The following APBA2 variants were observed in gnomAD, a reference collection of about 807,000 sequenced individuals.
APBA2 encodes amyloid-beta A4 precursor protein-binding family A member 2.
In APBA2, 30 loss-of-function variants were observed where a neutral mutation model predicts 75.0. The observed-to-expected ratio is 0.40, with a 90% confidence interval of 0.30 to 0.54. The LOEUF (loss-of-function observed/expected upper bound fraction) is 0.54, where lower values mean the gene tolerates loss of function less well. Ranked by LOEUF, APBA2 falls within the 20% of genes least tolerant of loss-of-function variation. The pLI is 0.49. For synonymous variants in APBA2, 444 were observed against 409.6 expected (o/e 1.08, Z -1.01); for missense variants, 801 against 1,016.1 (o/e 0.79, Z 2.88).
chr15:28,999,072 T>C (rs2038701435), intron 3 of APBA2, among the ~76,000 whole-genome samples: 2 of 150,258 alleles, frequency 1.3e-5, no homozygotes, highest in Admixed American at 6.7e-5. Context: ...TGCTTGAACC[T>C]GGGGGGCGGA....
rs562014055 is a variant in APBA2, at chr15:28,944,579, A to G, written c.-95+22830A>G. Among the ~76,000 whole-genome samples, 5 of 152,314 alleles carry G rather than the reference A, an allele frequency of 3.3e-5. No individual in the cohort carries two copies. In the South Asian group the frequency reaches 6.2e-4, roughly 19 times the overall value. On this transcript the variant is annotated intron_variant, in intron 2 of 14. Transcript: ENST00000683413. ...CTGTTTCTTAGAGTCGATGTCCCCT[A>G]AGGTGTGAGTTCCTGGTGAGCAGGA... is the stretch of plus-strand genomic sequence containing the variant.
intron 3 of APBA2, among the ~76,000 whole-genome samples, chr15:29,005,139 A>T (rs2039046708): frequency 6.6e-6 from 1 of 152,188 alleles, no homozygotes; most frequent in Non-Finnish European, 1.5e-5. Context: ...AGCACTTAAG[A>T]ATTACCCAGA....
chr15:29,001,422 A>T (rs2038837648), intron 3 of APBA2, among the ~76,000 whole-genome samples: 1 of 151,996 alleles, frequency 6.6e-6, no homozygotes, highest in African/African-American at 2.4e-5. Context: ...TATTGTTCAG[A>T]CTGGTCTCGA....
chr15:28,969,158 T>TGCTTTCTTTCTTTCTTTCTA, intron 2 of APBA2, among the ~76,000 whole-genome samples: 1 of 101,376 alleles, frequency 9.9e-6, no homozygotes, highest in African/African-American at 1.7e-4. Context: ...CTTTCTTTCT[T>TGCTTTCTTTCTTTCTTTCTA]TCTTTCTTTC....
In APBA2 at chr15:28,922,507, C is replaced by T. The variant is rs12915865; in HGVS notation, c.-95+758C>T. On this transcript the variant is annotated intron_variant, in intron 2 of 14. Transcript: ENST00000683413. ...CATCTTCTACAGCCAGCCATTGTCC[C>T]GCAGGAGCTCTGTGCCCAGTGGAAT... Among the ~76,000 whole-genome samples the T allele has an allele frequency of 3.6e-3, 554 of 152,282 alleles. 3 individuals carry two copies. Among genetic ancestry groups the T allele is most frequent in the Non-Finnish European group, 6.2e-3 (421 of 68,016 alleles).
At chr15:28,900,889 A>G (rs926742155) in intron 1 of APBA2, among the ~76,000 whole-genome samples, 1 of 152,172 alleles carries the variant, frequency 6.6e-6, no homozygotes, top group East Asian at 1.9e-4. Flanking sequence ...GTATATTTAC[A>G]ACTTACCCTT....
chr15:28,895,078 G>A (rs2032387806), intron 1 of APBA2, among the ~76,000 whole-genome samples: 1 of 152,186 alleles, frequency 6.6e-6, no homozygotes, highest in South Asian at 2.1e-4. Context: ...AGATTAACTT[G>A]CCCCTGTTTT....
chr15:28,910,923 G>A (rs1249759005), intron 1 of APBA2, among the ~76,000 whole-genome samples: 4 of 152,010 alleles, frequency 2.6e-5, no homozygotes, highest in African/African-American at 7.3e-5. Context: ...TTGATTTTTG[G>A]GGCAGTACCT....
chr15:29,051,672 T>C (rs2041601026), intron 3 of APBA2, among the ~76,000 whole-genome samples: 1 of 152,120 alleles, frequency 6.6e-6, no homozygotes, highest in African/African-American at 2.4e-5. Flanking sequence ...TAACAAGATG[T>C]GTTTTGGGCA....
At chr15:28,912,658 G>A (rs2152652807) in intron 1 of APBA2, among the ~76,000 whole-genome samples, 1 of 152,294 alleles carries the variant, frequency 6.6e-6, no homozygotes, top group South Asian at 2.1e-4. Flanking sequence ...TACTCTTCAG[G>A]TTCCCTGGAG....
intron 4 of APBA2, among the ~76,000 whole-genome samples, chr15:29,067,587 T>C (rs28396853): frequency 0.18 from 28,008 of 152,086 alleles, 2,797 homozygotes; most frequent in African/African-American, 0.26. Context: ...TGGCTTATGG[T>C]AAAGTGATTG....
At chr15:28,943,299 C>G (rs1322438606) in intron 2 of APBA2, among the ~76,000 whole-genome samples, 1 of 152,172 alleles carries the variant, frequency 6.6e-6, no homozygotes, top group Non-Finnish European at 1.5e-5. Context: ...GTGACACGGT[C>G]CCCTCTGCTC....
In APBA2 at chr15:29,116,337, G is replaced by C. The variant is rs375040416; in HGVS notation, c.2179-725G>C. Among the ~76,000 whole-genome samples, 163 of 152,280 alleles carry C rather than the reference G, an allele frequency of 1.1e-3. 3 individuals carry two copies. The highest frequency in any genetic ancestry group is 3.7e-3 in the African/African-American group (155 of 41,558). ...CTGGCCCGTGTGTGTTTTGTAAGAA[G>C]GGGTGTAGGCCGGGCGCGGTGGCTC... On this transcript the variant is annotated intron_variant, in intron 14 of 14. Coordinates refer to ENST00000683413, the MANE Select transcript of APBA2 (RefSeq NM_001353788.2).
At position 28,991,566 on chromosome 15, in the gene APBA2, T is replaced by G. The variant is rs1446075266; in HGVS notation, c.-94-4187T>G. ...AGGCCATGTGAGTGTGAACCCCCATTACAAGCTTTCCCTCATGAGATGGCG... is the reference window on the plus strand; with the variant it reads ...AGGCCATGTGAGTGTGAACCCCCATGACAAGCTTTCCCTCATGAGATGGCG... On this transcript the variant is annotated intron_variant, in intron 2 of 14. Transcript: ENST00000683413. The surrounding 1 kb of genome is among the most constrained non-coding windows in gnomAD (Gnocchi z 4.7). Among the ~76,000 whole-genome samples the G allele has an allele frequency of 1.3e-5, 2 of 152,158 alleles. No individual in the cohort carries two copies. Among genetic ancestry groups the G allele is most frequent in the Non-Finnish European group, 2.9e-5 (2 of 68,016 alleles).
intron 2 of APBA2, among the ~76,000 whole-genome samples, chr15:28,947,069 C>T (rs1012018199): frequency 1.3e-5 from 2 of 152,322 alleles, no homozygotes; most frequent in Admixed American, 6.5e-5. Context: ...TGCTCAAGTC[C>T]TATGTCATCG....
chr15:29,009,418 A>G (rs1235804588), intron 3 of APBA2, among the ~76,000 whole-genome samples: 2 of 152,200 alleles, frequency 1.3e-5, no homozygotes, highest in African/African-American at 4.8e-5. Context: ...TCTTAATTCA[A>G]GTGTAATATA....
chr15:28,898,935 G>T (rs1230660666), intron 1 of APBA2, among the ~76,000 whole-genome samples: 1 of 152,244 alleles, frequency 6.6e-6, no homozygotes, highest in Non-Finnish European at 1.5e-5. Flanking sequence ...GATGTATATA[G>T]ATTTAATTGG....
intron 1 of APBA2, among the ~76,000 whole-genome samples, chr15:28,887,382 C>T (rs1487804483): frequency 6.6e-6 from 1 of 152,156 alleles, no homozygotes; most frequent in East Asian, 1.9e-4. Context: ...AATAATGACC[C>T]GAGAGCTTTG....
chr15:29,105,702 C>T (rs879650629), intron 11 of APBA2, 144 bp downstream of exon 11: 9 of 843,122 alleles, frequency 1.1e-5, no homozygotes, highest in East Asian at 2.6e-5. Context: ...GTGCACCTCG[C>T]TCCTGCCTTC....
Sources: allele counts gnomAD v4.1 joint callset (sites outside exome capture counted in the v4.1 genomes callset), GRCh38; gene constraint gnomAD v4.1.1; non-coding constraint Gnocchi (gnomAD v3.1); transcripts MANE v1.5; gene names NCBI Gene and HGNC (gene_info 2026-07-23, HGNC 2026-07-21).